SMC3: variants seen among roughly 807,000 people sequenced by gnomAD.
SMC3 encodes the protein structural maintenance of chromosomes 3.
A neutral mutation model predicts 171.8 loss-of-function variants in SMC3; 20 were observed. That is an observed-to-expected ratio of 0.12 (90% confidence interval 0.08 to 0.17). The LOEUF is 0.17. Ranked by LOEUF, SMC3 falls within the 10% of genes least tolerant of loss-of-function variation. SMC3 has a pLI of 1.00. For synonymous variants in SMC3, 464 were observed against 451.1 expected (o/e 1.03, Z -0.36); for missense variants, 543 against 1,420.4 (o/e 0.38, Z 9.93).
At chr10:110,600,040 G>C (rs1037295613) in intron 21 of SMC3, among the ~76,000 whole-genome samples, 8 of 152,248 alleles carry the variant, frequency 5.3e-5, no homozygotes, top group African/African-American at 1.7e-4. Context: ...TAGTTAATTA[G>C]CATTACTTAT....
chr10:110,580,178 T>C (rs1218295749), intron 7 of SMC3, among the ~76,000 whole-genome samples: 2 of 152,220 alleles, frequency 1.3e-5, no homozygotes, highest in Non-Finnish European at 2.9e-5. Flanking sequence ...ATAGGTTATA[T>C]GCAAATACTA....
At chr10:110,583,816 G>A (rs367820698) in intron 11 of SMC3, 25 bp from the exon 12 acceptor site, 162 of 1,609,494 alleles carry the variant, frequency 1.0e-4, no homozygotes, top group Non-Finnish European at 1.2e-4. Context: ...ATTTAAAGCA[G>A]TTTGCATTTT....
rs79428167 is a variant in SMC3 at position 110,590,756 on chromosome 10, T to C, written c.1670+184T>C. ...AATTATAGAAGCTAGAACTTTCCTC[T>C]TTTGGGAGTTTCTCCCTCCCCGCCA... On this transcript the variant is annotated intron_variant, in intron 16 of 28. Transcript: ENST00000361804. Among the ~76,000 whole-genome samples, 3,697 of 152,366 alleles carry C rather than the reference T, an allele frequency of 0.024. 146 individuals carry two copies. The highest frequency in any genetic ancestry group is 0.084 in the African/African-American group (3,478 of 41,574).
In SMC3 at chr10:110,603,009, T is replaced by A. The variant is rs1397499280; in HGVS notation, c.3475+7T>A. Reference sequence around the variant, plus strand: ...CACAGAAAGGCTGTGTCAGGTACAGTTTCAGTACAGTTTTGGTTTTGTATT... The same window carrying A: ...CACAGAAAGGCTGTGTCAGGTACAGATTCAGTACAGTTTTGGTTTTGTATT... On this transcript the variant is annotated splice_region_variant and intron_variant, in intron 27 of 28. Transcript: ENST00000361804. The A allele has an allele frequency of 6.2e-7, 1 of 1,614,038 alleles. No individual in the cohort carries two copies. Among genetic ancestry groups the A allele is most frequent in the East Asian group, 2.2e-5 (1 of 44,878 alleles).
At chr10:110,600,915 GTATTTA>G in intron 22 of SMC3, 101 bp from the exon 23 acceptor site, 1 of 778,300 alleles carries the variant, frequency 1.3e-6, no homozygotes, top group East Asian at 2.6e-5. Flanking sequence ...ATTATATGAT[GTATTTA>G]TATTTTTTTG....
chr10:110,595,511 G>C (rs1397508141), intron 18 of SMC3, among the ~76,000 whole-genome samples: 1 of 152,144 alleles, frequency 6.6e-6, no homozygotes, highest in Non-Finnish European at 1.5e-5. Flanking sequence ...GTATCCCTTT[G>C]CCCCTTTGTA....
chr10:110,571,326 T>A (rs1860868250), intron 2 of SMC3, among the ~76,000 whole-genome samples: 2 of 152,200 alleles, frequency 1.3e-5, no homozygotes, highest in Non-Finnish European at 2.9e-5. Flanking sequence ...GAAAAGCTGG[T>A]CATAGATTTC....
chr10:110,573,574 A>G, intron 2 of SMC3, 133 bp from the exon 3 acceptor site: 1 of 242,258 alleles, frequency 4.1e-6, no homozygotes, highest in Non-Finnish European at 6.9e-6. Flanking sequence ...TCTTTTGTTC[A>G]CTGTTTAATT....
chr10:110,570,959 TTTGA>T (rs1341742425), intron 2 of SMC3, among the ~76,000 whole-genome samples: 1 of 152,238 alleles, frequency 6.6e-6, no homozygotes, highest in Non-Finnish European at 1.5e-5. Context: ...AGCATACCAC[TTTGA>T]TTGATGAATG....
chr10:110,568,867 AAAG>A (rs1340517993), intron 1 of SMC3, 68 bp from the exon 2 acceptor site: 1 of 900,772 alleles, frequency 1.1e-6, no homozygotes. Context: ...GAAAAACAAG[AAAG>A]AAATGCAAGA....
In SMC3 at chr10:110,584,345, G is replaced by A; in HGVS notation, c.1254G>A (p.Lys418=). 6.2e-7 allele frequency: 1 copy of A among 1,613,956 alleles called. No homozygotes were observed. Among genetic ancestry groups the A allele is most frequent in the Non-Finnish European group, 8.5e-7 (1 of 1,179,946 alleles). The change falls in exon 13 of 29, where the codon AAG becomes AAA. Residue 418 remains lysine (K), a synonymous_variant. Coordinates refer to ENST00000361804, the MANE Select transcript of SMC3 (RefSeq NM_005445.4). Reference sequence around the variant, plus strand: ...AAAGACAGATTGCTGCTATACATAAGGATTTGGAAGACACTGAAGCAAATA... The same window carrying A: ...AAAGACAGATTGCTGCTATACATAAAGATTTGGAAGACACTGAAGCAAATA... ...DKKRQIAAIH[K]DLEDTEANKE... is the part of the protein sequence containing the mutation.
chr10:110,583,535 A>G lies in SMC3; in HGVS notation c.956A>G (p.Asn319Ser). The change falls in exon 11 of 29, where the codon AAT becomes AGT. Residue 319 changes from asparagine (N) to serine (S), a missense_variant. Asn to Ser is a conservative substitution (Grantham distance 46, BLOSUM62 1). Coordinates refer to ENST00000361804, the MANE Select transcript of SMC3 (RefSeq NM_005445.4). ...GATTTACAAGATGAACTAGCAGGCA[A>G]TAGTGAACAAAGGGTAAGTTAAAAT... ...AKDLQDELAG[N>S]SEQRKRLLKE... 4.3e-6 allele frequency: 7 copies of G among 1,614,116 alleles called. No homozygotes were observed. The highest frequency in any genetic ancestry group is 1.7e-5 in the Admixed American group (1 of 60,026).
intron 20 of SMC3, among the ~76,000 whole-genome samples, chr10:110,599,011 A>G (rs1255253122): frequency 2.6e-5 from 4 of 151,742 alleles, no homozygotes; most frequent in African/African-American, 9.7e-5. Flanking sequence ...CAAATCTTTT[A>G]CTTAGTATAA....
chr10:110,577,669 GAA>G (rs1054851085), intron 5 of SMC3, among the ~76,000 whole-genome samples, 164 bp from the exon 6 acceptor site: 2 of 152,132 alleles, frequency 1.3e-5, no homozygotes, highest in African/African-American at 4.8e-5. Context: ...AAACTGTTGT[GAA>G]AAGTGTCTTG....
chr10:110,582,638 T>C lies in SMC3; in HGVS notation c.800T>C (p.Met267Thr). 6.2e-7 allele frequency: 1 copy of C among 1,608,512 alleles called. No individual in the cohort carries two copies. Among genetic ancestry groups the C allele is most frequent in the Non-Finnish European group, 8.5e-7 (1 of 1,174,978 alleles). ...RDAQQDARDK[M>T]EDIERQVREL... ...GCTCAGCAGGATGCAAGAGATAAAA[T>C]GGAGGTAAGATTATAAACAAGGTTC... Residue 267 changes from methionine (M) to threonine (T), a missense_variant, in exon 10 of 29, where the codon ATG (methionine) becomes ACG (threonine). Coordinates refer to ENST00000361804, the MANE Select transcript of SMC3 (RefSeq NM_005445.4).
rs756600495 is a variant in SMC3, at chr10:110,582,556, T to C, written c.724-6T>C. The stretch of plus-strand genomic sequence containing the variant: ...GTTAGATATGATAAGTTGTTTTTTT[T>C]CTTAGCTTTCTGCTAAGCGAGAGAC... On this transcript the variant is annotated splice_region_variant and splice_polypyrimidine_tract_variant and intron_variant, in intron 9 of 28. Transcript: ENST00000361804. The C allele has an allele frequency of 1.9e-6, 3 of 1,607,614 alleles. No individual in the cohort carries two copies. The highest frequency in any genetic ancestry group is 2.7e-5 in the African/African-American group (2 of 74,776).
chr10:110,569,881 CTGAG>C lies in SMC3; in HGVS notation c.91+870_91+873del, dbSNP rs1309362470. ...AACAAAAATGTTTTCTGACACTCTGCTGAGTATTTTACAGGATAGATGAAAGGAG... is the reference window on the plus strand; with the variant it reads ...AACAAAAATGTTTTCTGACACTCTGCTATTTTACAGGATAGATGAAAGGAG... On this transcript the variant is annotated intron_variant, in intron 2 of 28. Coordinates refer to ENST00000361804, the MANE Select transcript of SMC3 (RefSeq NM_005445.4). 1.6e-4 allele frequency among the ~76,000 whole-genome samples: 25 copies of C among 152,328 alleles called. No individual in the cohort carries two copies. In the South Asian group the frequency reaches 3.5e-3, roughly 21 times the overall value.
intron 13 of SMC3, among the ~76,000 whole-genome samples, chr10:110,588,590 T>A (rs1268804861): frequency 6.6e-6 from 1 of 152,218 alleles, no homozygotes; most frequent in Non-Finnish European, 1.5e-5. Context: ...GATTTTTGTT[T>A]GCTTTGGTCT....
chr10:110,599,546 T>C, intron 20 of SMC3, 108 bp from the exon 21 acceptor site: 1 of 946,244 alleles, frequency 1.1e-6, no homozygotes, highest in South Asian at 1.8e-5. Flanking sequence ...AATATTTGAG[T>C]TGATATGTCT....
Sources: gnomAD v4.1 joint callset for allele counts (sites outside exome capture counted in the v4.1 genomes callset) on GRCh38, gnomAD v4.1.1 for gene constraint, MANE v1.5 for transcripts, NCBI Gene and HGNC (gene_info 2026-07-23, HGNC 2026-07-21) for gene names.